The following EPHB1 variants were observed in gnomAD, a reference collection of about 807,000 sequenced individuals.
EPHB1 encodes the protein ephrin type-B receptor 1.
A neutral mutation model predicts 94.4 loss-of-function variants in EPHB1; 30 were observed. The observed-to-expected ratio is 0.32, with a 90% CI of 0.24 to 0.43. The LOEUF (loss-of-function observed/expected upper bound fraction) is 0.43, where lower values mean the gene tolerates loss of function less well. EPHB1 is among the 20% of genes least tolerant of loss of function. The probability of loss-of-function intolerance (pLI) is 1.00; values close to 1 mark genes in which losing one functional copy is unlikely to be tolerated. For synonymous variants in EPHB1, 522 were observed against 489.1 expected, an observed-to-expected ratio of 1.07 and a Z score of -0.89; for missense variants, 1,055 against 1,308.3, an observed-to-expected ratio of 0.81 and a Z score of 2.99.
intron 3 of EPHB1, among the ~76,000 whole-genome samples, chr3:135,016,514 C>A (rs1263386846): frequency 2.0e-5 from 3 of 152,220 alleles, no homozygotes; most frequent in Non-Finnish European, 4.4e-5. Flanking sequence ...ACAACCACCA[C>A]CACTCTGGGC....
intron 2 of EPHB1, among the ~76,000 whole-genome samples, chr3:134,932,080 C>T (rs1226336057): frequency 6.6e-6 from 1 of 151,244 alleles, no homozygotes; most frequent in Non-Finnish European, 1.5e-5. Flanking sequence ...CTGATCTCAC[C>T]CTGTGCTTCA....
At chr3:134,972,921 G>A (rs1257562509) in intron 3 of EPHB1, among the ~76,000 whole-genome samples, 2 of 152,170 alleles carry the variant, frequency 1.3e-5, no homozygotes, top group African/African-American at 2.4e-5. Context: ...GGGTGGGTGG[G>A]CAGCTCTGAC....
intron 15 of EPHB1, among the ~76,000 whole-genome samples, chr3:135,257,657 A>G (rs1371588652): frequency 2.0e-5 from 3 of 150,456 alleles, no homozygotes; most frequent in Admixed American, 6.6e-5. Context: ...TGCAGAGGTT[A>G]CTGCTGTCTT....
intron 5 of EPHB1, among the ~76,000 whole-genome samples, chr3:135,145,771 GTTC>G (rs1385538155): frequency 6.6e-6 from 1 of 151,984 alleles, no homozygotes; most frequent in Non-Finnish European, 1.5e-5. Context: ...CCTATTCTAT[GTTC>G]TTTGTGAGAT....
At chr3:135,108,596 G>A (rs1315489676) in intron 4 of EPHB1, among the ~76,000 whole-genome samples, 1 of 152,162 alleles carries the variant, frequency 6.6e-6, no homozygotes, top group African/African-American at 2.4e-5. Context: ...GGTGTCAAAG[G>A]GGCTGGTGTG....
In EPHB1 at chr3:135,232,134, A is replaced by G. The variant is rs115495127; in HGVS notation, c.2347-9014A>G. 2.8e-3 allele frequency among the ~76,000 whole-genome samples: 432 copies of G among 152,358 alleles called. 1 individual carries two copies. Among genetic ancestry groups the G allele is most frequent in the Non-Finnish European group, 4.3e-3 (294 of 68,028 alleles). ...GACACTCAGAGCAAGATAACCTTTT[A>G]GGCAAAAACTTCTTTTCCTTCTTAG... On this transcript the variant is annotated intron_variant, in intron 12 of 15. Transcript: ENST00000398015.
At chr3:135,253,985 G>A (rs1284758810) in intron 15 of EPHB1, among the ~76,000 whole-genome samples, 3 of 132,386 alleles carry the variant, frequency 2.3e-5, no homozygotes, top group South Asian at 2.8e-4. Context: ...ATTGTGAATG[G>A]GAGTTCACTC....
intron 3 of EPHB1, among the ~76,000 whole-genome samples, chr3:135,105,933 G>C (rs986739216): frequency 2.0e-5 from 3 of 152,204 alleles, no homozygotes; most frequent in African/African-American, 7.2e-5. Flanking sequence ...GCAAGAGCTT[G>C]TTAATACATC....
intron 1 of EPHB1, among the ~76,000 whole-genome samples, chr3:134,899,635 A>G (rs1274550580): frequency 6.6e-6 from 1 of 151,912 alleles, no homozygotes; most frequent in Non-Finnish European, 1.5e-5. Context: ...ACACTCTTAG[A>G]CTTGAAGCTT....
chr3:135,201,524 C>T lies in EPHB1; in HGVS notation c.2181C>T (p.Gly727=), dbSNP rs751860346. 1 of 1,614,002 alleles carries T rather than the reference C, an allele frequency of 6.2e-7. No individual in the cohort carries two copies. Among genetic ancestry groups the T allele is most frequent in the Non-Finnish European group, 8.5e-7 (1 of 1,179,988 alleles). ...TCCAGCTTGTGGGTATGCTCAGGGG[C>T]ATCGCTGCTGGCATGAAGTACCTGG... ...TVIQLVGMLR[G]IAAGMKYLAE... Residue 727 remains glycine (G), a synonymous_variant, in exon 12 of 16, where the codon GGC becomes GGT. Coordinates refer to ENST00000398015, the MANE Select transcript of EPHB1 (RefSeq NM_004441.5).
chr3:134,908,776 G>T (rs2038389413), intron 1 of EPHB1, among the ~76,000 whole-genome samples: 1 of 151,966 alleles, frequency 6.6e-6, no homozygotes, highest in African/African-American at 2.4e-5. Context: ...GGAAGGTGAG[G>T]GCAATGAGGA....
chr3:134,941,764 C>G (rs7430018), intron 2 of EPHB1, among the ~76,000 whole-genome samples: 10 of 144,114 alleles, frequency 6.9e-5, no homozygotes, highest in South Asian at 4.6e-4. Flanking sequence ...CACACACACA[C>G]ACACACACAC....
Position 135,184,001 on chromosome 3 carries a change from G to C in EPHB1, c.1882+4019G>C, listed in dbSNP as rs142031290. Among the ~76,000 whole-genome samples, 52 of 152,316 alleles carry C rather than the reference G, an allele frequency of 3.4e-4. No homozygotes were observed. In the East Asian group the frequency reaches 7.5e-3, roughly 22 times the overall value. On this transcript the variant is annotated intron_variant, in intron 10 of 15. Coordinates refer to ENST00000398015, the MANE Select transcript of EPHB1 (RefSeq NM_004441.5). Reference sequence around the variant, plus strand: ...AACAATCGCTAAAACCTTGGAGGTGGGAAGACAAGTTATGAGGTTTTGTTT... The same window carrying C: ...AACAATCGCTAAAACCTTGGAGGTGCGAAGACAAGTTATGAGGTTTTGTTT...
At chr3:135,171,983 G>A (rs1488452141) in intron 9 of EPHB1, among the ~76,000 whole-genome samples, 5 of 152,134 alleles carry the variant, frequency 3.3e-5, no homozygotes, top group Non-Finnish European at 7.3e-5. Flanking sequence ...GATCAGAAAA[G>A]GTGATATATA....
At chr3:135,229,238 G>A (rs763748559) in intron 12 of EPHB1, among the ~76,000 whole-genome samples, 22 of 152,184 alleles carry the variant, frequency 1.4e-4, no homozygotes, top group Non-Finnish European at 2.5e-4. Flanking sequence ...TTAGCTAACA[G>A]CTCCTCATAC....
intron 3 of EPHB1, among the ~76,000 whole-genome samples, chr3:134,984,682 G>T (rs1003404914): frequency 6.6e-6 from 1 of 152,230 alleles, no homozygotes; most frequent in Admixed American, 6.5e-5. Flanking sequence ...ACCCAAGGAG[G>T]TCAGAGCTCC....
chr3:134,886,410 G>T (rs1430754650), intron 1 of EPHB1, among the ~76,000 whole-genome samples: 1 of 152,150 alleles, frequency 6.6e-6, no homozygotes, highest in African/African-American at 2.4e-5. Flanking sequence ...GAGACACAGA[G>T]AGGTTAAGTC....
At chr3:134,871,930 G>A (rs976649788) in intron 1 of EPHB1, among the ~76,000 whole-genome samples, 1 of 152,180 alleles carries the variant, frequency 6.6e-6, no homozygotes, top group African/African-American at 2.4e-5. Flanking sequence ...GAGCCATGTG[G>A]TAGCCAGATA....
chr3:135,076,234 G>GATATATATATATAT (rs60727518), intron 3 of EPHB1, among the ~76,000 whole-genome samples: 2,129 of 130,760 alleles, frequency 0.016, 65 homozygotes, highest in African/African-American at 0.055. Context: ...TCTGAAAAGG[G>GATATATATATATAT]ATATATATAT....
Sources: gnomAD v4.1 joint callset for allele counts (sites outside exome capture counted in the v4.1 genomes callset) on GRCh38, gnomAD v4.1.1 for gene constraint, MANE v1.5 for transcripts, NCBI Gene and HGNC (gene_info 2026-07-23, HGNC 2026-07-21) for gene names.